RASA3: variants seen among roughly 807,000 people sequenced by gnomAD.
The protein encoded by RASA3 is RAS p21 protein activator 3, also known as ras GTPase-activating protein 3.
In RASA3, 73 loss-of-function variants were observed where a neutral mutation model predicts 110.0. The ratio of observed to expected loss-of-function variants is 0.66; its 90% confidence interval spans 0.55 to 0.81. The LOEUF (loss-of-function observed/expected upper bound fraction) is 0.81, where lower values mean the gene tolerates loss of function less well. RASA3 is among the 30% of genes least tolerant of loss of function. RASA3 has a pLI of 0.00. For missense variants in RASA3, 976 were observed against 1,113.2 expected (o/e 0.88, Z 1.75); for synonymous variants, 500 against 451.4 (o/e 1.11, Z -1.37).
At chr13:114,124,267 G>A (rs1196745665) in intron 1 of RASA3, among the ~76,000 whole-genome samples, 1 of 152,224 alleles carries the variant, frequency 6.6e-6, no homozygotes, top group African/African-American at 2.4e-5. Flanking sequence ...TTTCAGGGTG[G>A]CTAGAGCTAC....
At chr13:114,050,198 G>A (rs915070953) in intron 3 of RASA3, among the ~76,000 whole-genome samples, 2 of 152,158 alleles carry the variant, frequency 1.3e-5, no homozygotes, top group African/African-American at 2.4e-5. Context: ...CTGAGCAAGG[G>A]GGTGCAGGGG....
Position 114,015,268 on chromosome 13 carries a change from G to C in RASA3, c.1346C>G (p.Pro449Arg). 2 of 1,613,184 alleles carry C rather than the reference G, an allele frequency of 1.2e-6. No individual in the cohort carries two copies. The highest frequency in any genetic ancestry group is 1.7e-6 in the Non-Finnish European group (2 of 1,179,974). Residue 449 changes from proline (P) to arginine (R), a missense_variant, in exon 14 of 24, where the codon CCG becomes CGG. By Grantham distance (103) the Pro-to-Arg change is moderately radical. Around this residue, in one of 4 missense-constraint regions of RASA3, gnomAD observed 732 missense variants for 779.7 expected, o/e 0.94. Coordinates refer to ENST00000334062, the MANE Select transcript of RASA3 (RefSeq NM_007368.4). The part of the protein sequence containing the change: ...HAITESGVSC[P>R]TVMCDIFFSL... The stretch of plus-strand genomic sequence containing the variant: ...GAAGAAGATGTCACACATGACGGTC[G>C]GGCAGCTCACCCCAGACTCAGTGAT...
Position 114,081,407 on chromosome 13 carries a change from C to T in RASA3, c.56-7570G>A, listed in dbSNP as rs536714466. 3.3e-5 allele frequency among the ~76,000 whole-genome samples: 5 copies of T among 152,350 alleles called. 1 individual carries two copies. The South Asian group carries it at 1.0e-3, about 32-fold the overall frequency. ...CGCGGGGGCCGCATCACCCAGCACT[C>T]TGGAAATGCTGTCCGCAGACCACGG... On this transcript the variant is annotated intron_variant, in intron 1 of 23. Transcript: ENST00000334062.
At chr13:114,078,263 T>C in intron 1 of RASA3, among the ~76,000 whole-genome samples, 1 of 152,220 alleles carries the variant, frequency 6.6e-6, no homozygotes, top group African/African-American at 2.4e-5. Flanking sequence ...CCCCAAACAG[T>C]TCATTCAGTT....
chr13:114,032,137 A>G (rs1201897840), intron 4 of RASA3, among the ~76,000 whole-genome samples: 1 of 152,146 alleles, frequency 6.6e-6, no homozygotes, highest in Non-Finnish European at 1.5e-5. Context: ...TATGTCCCTA[A>G]ATTGTTTTTC....
At chr13:113,981,611 C>G in intron 23 of RASA3, 64 bp downstream of exon 23, 1 of 1,548,782 alleles carries the variant, frequency 6.5e-7, no homozygotes, top group South Asian at 1.2e-5. Flanking sequence ...TGCAGCCCCA[C>G]CCCCACTGCA....
chr13:114,043,705 G>A (rs957801109), intron 3 of RASA3, among the ~76,000 whole-genome samples: 2 of 152,032 alleles, frequency 1.3e-5, no homozygotes, highest in South Asian at 2.1e-4. Context: ...TGTGGGAGAA[G>A]GAACACCAGG....
At chr13:114,009,713 G>C (rs2053591292) in intron 16 of RASA3, among the ~76,000 whole-genome samples, 1 of 152,378 alleles carries the variant, frequency 6.6e-6, no homozygotes. Flanking sequence ...TTTGGCATCA[G>C]TGACTCCGTC....
chr13:114,129,033 T>C (rs2080485576), intron 1 of RASA3, among the ~76,000 whole-genome samples: 1 of 152,186 alleles, frequency 6.6e-6, no homozygotes, highest in African/African-American at 2.4e-5. Context: ...CAGTAAGTAT[T>C]GTGGAAACGG....
chr13:114,072,773 G>A (rs542124411), intron 2 of RASA3, among the ~76,000 whole-genome samples: 1 of 152,356 alleles, frequency 6.6e-6, no homozygotes, highest in South Asian at 2.1e-4. Context: ...AGGAAAATGG[G>A]AAGGTGATGT....
At position 114,011,166 on chromosome 13, in the gene RASA3, C is replaced by G; in HGVS notation, c.1590+5G>C. ...AAAAAGAGAAAATGAAGAAGAGGGA[C>G]TCACAGATTTGGACTTGGACAGGCT... is the stretch of plus-strand genomic sequence containing the variant. On this transcript the variant is annotated splice_donor_5th_base_variant and intron_variant, in intron 16 of 23. Coordinates refer to ENST00000334062, the MANE Select transcript of RASA3 (RefSeq NM_007368.4). The surrounding 1 kb of genome is among the most constrained non-coding windows in gnomAD (Gnocchi z 4.8). The G allele has an allele frequency of 6.2e-7, 1 of 1,603,860 alleles. No individual in the cohort carries two copies. Among genetic ancestry groups the G allele is most frequent in the Non-Finnish European group, 8.5e-7 (1 of 1,171,714 alleles).
At chr13:114,123,518 GT>G (rs2080406575) in intron 1 of RASA3, among the ~76,000 whole-genome samples, 1 of 152,234 alleles carries the variant, frequency 6.6e-6, no homozygotes, top group Non-Finnish European at 1.5e-5. Flanking sequence ...GCCAGCCTGG[GT>G]CTATCGCGCC....
chr13:114,030,430 G>A lies in RASA3; in HGVS notation c.373-543C>T, dbSNP rs112302806. ...CGCAGAGAGCAAGACTCACACAGAG[G>A]GCAAGGCTCACACAGAGGGCAAGGC... On this transcript the variant is annotated intron_variant, in intron 4 of 23. Coordinates refer to ENST00000334062, the MANE Select transcript of RASA3 (RefSeq NM_007368.4). Among the ~76,000 whole-genome samples the A allele has an allele frequency of 3.3e-3, 212 of 64,714 alleles. 2 individuals carry two copies. The highest frequency in any genetic ancestry group is 8.9e-3 in the African/African-American group (190 of 21,286). 42.5% of individuals were successfully genotyped at this position (64,714 alleles called of 152,430 possible). A position where few individuals can be genotyped will look rare whatever the true frequency, so the allele number is the denominator to read the frequency against.
At chr13:113,996,074 CGGCTG>C (rs2053248817) in intron 21 of RASA3, among the ~76,000 whole-genome samples, 5 of 72,444 alleles carry the variant, frequency 6.9e-5, no homozygotes, top group South Asian at 4.1e-4. Flanking sequence ...ATGGGGGGCC[CGGCTG>C]ATGGGGGGCC....
chr13:114,069,426 G>C (rs943817034), intron 2 of RASA3, among the ~76,000 whole-genome samples: 1 of 136,362 alleles, frequency 7.3e-6, no homozygotes, highest in Non-Finnish European at 1.6e-5. Context: ...AAGCACACGG[G>C]GGGCTGGGAG....
At position 114,013,217 on chromosome 13, in the gene RASA3, G is replaced by A. The variant is rs148159917; in HGVS notation, c.1437C>T (p.Ser479=). The change falls in exon 15 of 24, where the codon AGC becomes AGT. Residue 479 remains serine, a synonymous_variant. Coordinates refer to ENST00000334062, the MANE Select transcript of RASA3 (RefSeq NM_007368.4). ...CAAAGAACCTCAGGAAGATGAAGCTGCTCACTGCAGTGTACCTGACGTCCG... is the reference window on the plus strand; with the variant it reads ...CAAAGAACCTCAGGAAGATGAAGCTACTCACTGCAGTGTACCTGACGTCCG... The part of the protein sequence containing the change: ...DDPDVRYTAV[S]SFIFLRFFAP... 2 of 1,613,236 alleles carry A rather than the reference G, an allele frequency of 1.2e-6. No individual in the cohort carries two copies. The highest frequency in any genetic ancestry group is 1.7e-4 in the Middle Eastern group (1 of 6,056).
At chr13:114,075,542 G>A (rs9562112) in intron 1 of RASA3, among the ~76,000 whole-genome samples, 1,017 of 82,328 alleles carry the variant, frequency 0.012, 22 homozygotes, top group African/African-American at 0.041. Context: ...TGGAGGCGCC[G>A]GCAGGACGAA....
intron 2 of RASA3, among the ~76,000 whole-genome samples, chr13:114,059,267 A>G (rs1215223725): frequency 2.0e-5 from 3 of 151,602 alleles, no homozygotes; most frequent in Non-Finnish European, 4.4e-5. Flanking sequence ...TTCACAGCAC[A>G]GTCCCCAGGT....
At chr13:114,060,073 A>G (rs2139604314) in intron 2 of RASA3, among the ~76,000 whole-genome samples, 1 of 152,362 alleles carries the variant, frequency 6.6e-6, no homozygotes, top group Middle Eastern at 3.4e-3. Flanking sequence ...GAATGAGGCC[A>G]TGGACGGCGC....
Sources: allele counts gnomAD v4.1 joint callset (sites outside exome capture counted in the v4.1 genomes callset), GRCh38; gene constraint gnomAD v4.1.1; regional missense constraint gnomAD v4.1.1; non-coding constraint Gnocchi (gnomAD v3.1); transcripts MANE v1.5; gene names NCBI Gene and HGNC (gene_info 2026-07-23, HGNC 2026-07-21).